Variants in BRINP3 observed in about 807,000 individuals in gnomAD.
The protein encoded by BRINP3 is BMP/retinoic acid inducible neural specific 3, also known as BMP/retinoic acid-inducible neural-specific protein 3.
A neutral mutation model predicts 71.0 loss-of-function variants in BRINP3; 19 were observed. That is an observed-to-expected ratio of 0.27 (90% confidence interval 0.19 to 0.39). The LOEUF (loss-of-function observed/expected upper bound fraction) is 0.39. Among genes scored for constraint, BRINP3 ranks in the 10% least tolerant of loss-of-function variants. BRINP3 has a pLI of 1.00. For missense variants in BRINP3, 959 were observed against 940.8 expected (o/e 1.02, Z -0.25); for synonymous variants, 380 against 337.7 (o/e 1.13, Z -1.37).
chr1:190,342,173 G>A lies in BRINP3; in HGVS notation c.237-60423C>T, dbSNP rs1489377875. Among the ~76,000 whole-genome samples, 3 of 151,414 alleles carry A rather than the reference G, an allele frequency of 2.0e-5. No individual in the cohort carries two copies. The Admixed American group carries it at 2.0e-4, about 10-fold the overall frequency. On this transcript the variant is annotated intron_variant, in intron 2 of 7. Coordinates refer to ENST00000367462, the MANE Select transcript of BRINP3 (RefSeq NM_199051.3). ...CCCATTTCTACTTATAAGAATTACTGTGATTATGTCTGGGTCACCTGGATA... is the reference window on the plus strand; with the variant it reads ...CCCATTTCTACTTATAAGAATTACTATGATTATGTCTGGGTCACCTGGATA...
intron 2 of BRINP3, among the ~76,000 whole-genome samples, chr1:190,385,139 C>T (rs1670803317): frequency 1.3e-5 from 2 of 152,122 alleles, no homozygotes; most frequent in East Asian, 1.9e-4. Flanking sequence ...AGAAGAAAAC[C>T]TAGGCATTAC....
intron 7 of BRINP3, among the ~76,000 whole-genome samples, chr1:190,128,318 A>AT (rs957995629): frequency 6.6e-6 from 1 of 151,760 alleles, no homozygotes; most frequent in Non-Finnish European, 1.5e-5. Flanking sequence ...TTTTAATTAC[A>AT]TTTTTTGTAA....
chr1:190,250,925 G>A (rs1293382928), intron 4 of BRINP3, among the ~76,000 whole-genome samples: 1 of 151,826 alleles, frequency 6.6e-6, no homozygotes, highest in African/African-American at 2.4e-5. Context: ...TTAATAAGGA[G>A]TATACCCTTA....
chr1:190,305,993 T>A (rs974554591), intron 2 of BRINP3, among the ~76,000 whole-genome samples: 2 of 151,820 alleles, frequency 1.3e-5, no homozygotes, highest in African/African-American at 4.8e-5. Context: ...CTTATAACAA[T>A]AAAATATTGT....
chr1:190,297,121 A>G (rs1287777772), intron 2 of BRINP3, among the ~76,000 whole-genome samples: 1 of 152,036 alleles, frequency 6.6e-6, no homozygotes, highest in Non-Finnish European at 1.5e-5. Flanking sequence ...AACCCCAGCA[A>G]ACCTAGAGAC....
At chr1:190,394,921 T>C (rs1671473888) in intron 2 of BRINP3, among the ~76,000 whole-genome samples, 1 of 151,664 alleles carries the variant, frequency 6.6e-6, no homozygotes, top group African/African-American at 2.4e-5. Flanking sequence ...AATTGCACCA[T>C]TTCGGAGGTA....
intron 7 of BRINP3, among the ~76,000 whole-genome samples, chr1:190,135,095 T>A (rs1365863087): frequency 6.6e-6 from 1 of 152,090 alleles, no homozygotes; most frequent in Non-Finnish European, 1.5e-5. Context: ...GAAGATAATC[T>A]TCCCAAGAAA....
intron 7 of BRINP3, among the ~76,000 whole-genome samples, chr1:190,128,852 C>T (rs1173691095): frequency 6.6e-6 from 1 of 151,638 alleles, no homozygotes; most frequent in African/African-American, 2.4e-5. Flanking sequence ...TTTGAAAATT[C>T]TTCCTGACTC....
chr1:190,181,642 A>T (rs1291765191), intron 6 of BRINP3, among the ~76,000 whole-genome samples: 1 of 151,960 alleles, frequency 6.6e-6, no homozygotes, highest in Non-Finnish European at 1.5e-5. Context: ...AGTTTGAATA[A>T]ATTGTAGAAA....
chr1:190,176,570 T>C (rs1652525072), intron 6 of BRINP3, among the ~76,000 whole-genome samples: 1 of 152,188 alleles, frequency 6.6e-6, no homozygotes, highest in Non-Finnish European at 1.5e-5. Flanking sequence ...CACTTGGAAG[T>C]AGTTTTACTT....
chr1:190,100,587 T>C (rs2102241039), intron 7 of BRINP3, among the ~76,000 whole-genome samples: 1 of 152,296 alleles, frequency 6.6e-6, no homozygotes, highest in Non-Finnish European at 1.5e-5. Flanking sequence ...GAATATTTAA[T>C]ACACTTGGAA....
chr1:190,455,531 T>C lies in BRINP3; in HGVS notation c.-50-591A>G, dbSNP rs192020738. ...ACAGACACAGAGTGAGACAGAGAGA[T>C]GATAGAAAGACAGACTGATACATGA... On this transcript the variant is annotated intron_variant, in intron 1 of 7. Transcript: ENST00000367462. 6.6e-5 allele frequency among the ~76,000 whole-genome samples: 10 copies of C among 152,142 alleles called. No homozygotes were observed. The East Asian group carries it at 1.7e-3, about 26-fold the overall frequency.
intron 2 of BRINP3, among the ~76,000 whole-genome samples, chr1:190,423,951 C>T (rs1673540829): frequency 6.6e-6 from 1 of 151,726 alleles, no homozygotes; most frequent in South Asian, 2.1e-4. Context: ...TGCTCATAAC[C>T]TGTTCTTTTA....
chr1:190,127,020 T>C (rs1034185272), intron 7 of BRINP3, among the ~76,000 whole-genome samples: 1 of 151,874 alleles, frequency 6.6e-6, no homozygotes, highest in Non-Finnish European at 1.5e-5. Context: ...ACAAACAGTA[T>C]TTATTTATTT....
intron 4 of BRINP3, among the ~76,000 whole-genome samples, chr1:190,253,201 A>C (rs979164839): frequency 6.6e-6 from 1 of 152,100 alleles, no homozygotes; most frequent in Non-Finnish European, 1.5e-5. Context: ...GGTTGGTTCC[A>C]AGTCTTTGCT....
At chr1:190,477,157 TG>T (rs1034155381) in intron 1 of BRINP3, among the ~76,000 whole-genome samples, 15 of 151,848 alleles carry the variant, frequency 9.9e-5, no homozygotes, top group East Asian at 5.8e-4. Context: ...TTAATGGGGG[TG>T]GGGGCGATTA....
At chr1:190,323,758 G>A (rs1266776820) in intron 2 of BRINP3, among the ~76,000 whole-genome samples, 1 of 151,706 alleles carries the variant, frequency 6.6e-6, no homozygotes, top group Non-Finnish European at 1.5e-5. Context: ...CACAATTACT[G>A]CAAATGAAAA....
intron 3 of BRINP3, among the ~76,000 whole-genome samples, chr1:190,269,093 G>T (rs1661890525): frequency 6.6e-6 from 1 of 152,072 alleles, no homozygotes; most frequent in Non-Finnish European, 1.5e-5. Flanking sequence ...ATTAAACAGT[G>T]CAGGCTGACA....
At chr1:190,240,515 T>G (rs1379254093) in intron 4 of BRINP3, among the ~76,000 whole-genome samples, 3 of 152,084 alleles carry the variant, frequency 2.0e-5, no homozygotes, top group African/African-American at 7.2e-5. Flanking sequence ...AAAGCACTGT[T>G]TCCCCAGAGT....
Sources: gnomAD v4.1 joint callset for allele counts (sites outside exome capture counted in the v4.1 genomes callset) on GRCh38, gnomAD v4.1.1 for gene constraint, MANE v1.5 for transcripts, NCBI Gene and HGNC (gene_info 2026-07-23, HGNC 2026-07-21) for gene names.